Variants in SFXN5 observed in about 807,000 individuals in gnomAD.
The protein encoded by SFXN5 is sideroflexin 5.
SFXN5 carries 43 observed loss-of-function variants against 50.2 expected under a neutral mutation model. That is an observed-to-expected ratio of 0.86 (90% confidence interval 0.67 to 1.11). The LOEUF (loss-of-function observed/expected upper bound fraction) is 1.11. SFXN5 is among the 50% of genes least tolerant of loss of function. The pLI, the probability that SFXN5 is intolerant of heterozygous loss-of-function variation, is 0.00. For synonymous variants in SFXN5, 203 were observed against 185.8 expected, an observed-to-expected ratio of 1.09 and a Z score of -0.75; for missense variants, 463 against 454.1, an observed-to-expected ratio of 1.02 and a Z score of -0.18.
intron 1 of SFXN5, chr2:73,071,012 G>A (rs1020018878): frequency 6.6e-6 from 1 of 152,556 alleles, no homozygotes; most frequent in Non-Finnish European, 1.5e-5. Flanking sequence ...TGGAGAGCAG[G>A]GACGGGGGAC....
chr2:73,002,922 C>A (rs1165422225), intron 6 of SFXN5, among the ~76,000 whole-genome samples: 1 of 152,232 alleles, frequency 6.6e-6, no homozygotes, highest in Non-Finnish European at 1.5e-5. Context: ...CCCTTTGGGG[C>A]ACTAACTTTC....
chr2:72,972,746 C>A (rs991404754), intron 10 of SFXN5, among the ~76,000 whole-genome samples: 1 of 152,224 alleles, frequency 6.6e-6, no homozygotes, highest in African/African-American at 2.4e-5. Flanking sequence ...CACTCCTCCC[C>A]CCAAAGCGCC....
At chr2:73,020,339 T>C in intron 5 of SFXN5, 75 bp from the exon 6 acceptor site, 4 of 1,496,220 alleles carry the variant, frequency 2.7e-6, no homozygotes, top group Non-Finnish European at 3.7e-6. Context: ...AGCCTCCGGG[T>C]TAGGTCTTAG....
At chr2:72,963,547 G>C (rs1303251426) in intron 12 of SFXN5, among the ~76,000 whole-genome samples, 1 of 151,920 alleles carries the variant, frequency 6.6e-6, no homozygotes, top group Non-Finnish European at 1.5e-5. Context: ...AGGGAGGGGG[G>C]AGGAAAATGG....
intron 6 of SFXN5, among the ~76,000 whole-genome samples, chr2:73,007,636 A>G (rs571532161): frequency 2.4e-4 from 37 of 151,902 alleles, no homozygotes; most frequent in Non-Finnish European, 5.0e-4. Flanking sequence ...CTCCCCACAT[A>G]CCCGGGAGCC....
At chr2:73,047,158 C>T (rs1271915998) in intron 2 of SFXN5, among the ~76,000 whole-genome samples, 2 of 137,116 alleles carry the variant, frequency 1.5e-5, no homozygotes, top group African/African-American at 5.4e-5. Context: ...TGGGAGGCTG[C>T]AGTAAGCCAA....
chr2:73,016,643 G>A (rs949837460), intron 6 of SFXN5, among the ~76,000 whole-genome samples: 10 of 152,322 alleles, frequency 6.6e-5, no homozygotes, highest in Middle Eastern at 3.4e-3. Flanking sequence ...ATCCGAGGCT[G>A]CAGTGAGCAG....
At chr2:72,986,278 G>A (rs1314343733) in intron 10 of SFXN5, among the ~76,000 whole-genome samples, 1 of 152,194 alleles carries the variant, frequency 6.6e-6, no homozygotes, top group African/African-American at 2.4e-5. Context: ...TCATCCAGAG[G>A]TGGGGCTGCC....
At chr2:73,043,647 C>T (rs1679932126) in intron 2 of SFXN5, among the ~76,000 whole-genome samples, 1 of 152,202 alleles carries the variant, frequency 6.6e-6, no homozygotes, top group Admixed American at 6.5e-5. Flanking sequence ...TTCCAAAGAG[C>T]CCCTTCCCGG....
chr2:73,070,808 G>A (rs1683531957), intron 1 of SFXN5: 1 of 152,262 alleles, frequency 6.6e-6, no homozygotes, highest in Non-Finnish European at 1.5e-5. Flanking sequence ...GTCCCCGGCG[G>A]CGCGGGGGCC....
chr2:73,057,490 T>C (rs1682302157), intron 2 of SFXN5, among the ~76,000 whole-genome samples: 1 of 152,094 alleles, frequency 6.6e-6, no homozygotes, highest in African/African-American at 2.4e-5. Flanking sequence ...CTGCATACTG[T>C]AGGATTCCAT....
chr2:73,032,473 G>A (rs114610150), intron 3 of SFXN5, among the ~76,000 whole-genome samples: 2 of 152,272 alleles, frequency 1.3e-5, no homozygotes, highest in East Asian at 3.9e-4. Flanking sequence ...GAGGTGGCTG[G>A]AAGATCCCAG....
In SFXN5 at chr2:73,071,542, G is replaced by C. The variant is rs78851041; in HGVS notation, c.102+62C>G. 2.8e-3 allele frequency: 4,210 copies of C among 1,496,782 alleles called. 111 individuals carry two copies. In the African/African-American group the frequency reaches 0.052, roughly 19 times the overall value. 92.7% of individuals were successfully genotyped at this position (1,496,782 alleles called of 1,614,324 possible). ...CCCTTGGGCGGAAGGGGACTTTGGA[G>C]GGGAGTTTGCTCGTCCTCTCTTTGC... On this transcript the variant is annotated intron_variant, in intron 1 of 13. Transcript: ENST00000272433.
At chr2:73,050,521 G>A (rs2105979522) in intron 2 of SFXN5, among the ~76,000 whole-genome samples, 1 of 152,302 alleles carries the variant, frequency 6.6e-6, no homozygotes, top group South Asian at 2.1e-4. Context: ...AGCCACAGCT[G>A]GGGTGGCTGA....
At chr2:73,069,062 G>T (rs1294206773) in intron 1 of SFXN5, among the ~76,000 whole-genome samples, 1 of 152,088 alleles carries the variant, frequency 6.6e-6, no homozygotes, top group African/African-American at 2.4e-5. Context: ...CAAGGAAGAA[G>T]TAGTCAGTGG....
intron 9 of SFXN5, among the ~76,000 whole-genome samples, chr2:72,990,504 G>A (rs1672463881): frequency 6.6e-6 from 1 of 152,322 alleles, no homozygotes; most frequent in East Asian, 1.9e-4. Context: ...CAGACGGGCA[G>A]TAGCAATGAA....
intron 10 of SFXN5, among the ~76,000 whole-genome samples, chr2:72,978,313 C>A (rs1269470461): frequency 6.8e-6 from 1 of 147,182 alleles, no homozygotes; most frequent in Admixed American, 6.8e-5. Flanking sequence ...GATGGAGTCT[C>A]ACTCTGACAC....
intron 9 of SFXN5, chr2:72,997,972 C>T (rs1056689101): frequency 6.6e-6 from 1 of 152,104 alleles, no homozygotes; most frequent in Non-Finnish European, 1.5e-5. Flanking sequence ...TCATAGCACA[C>T]TACAGACTCC....
chr2:73,033,477 T>TAA (rs1479976148), intron 3 of SFXN5, among the ~76,000 whole-genome samples: 1 of 152,014 alleles, frequency 6.6e-6, no homozygotes, highest in Non-Finnish European at 1.5e-5. Context: ...ATTACAGACA[T>TAA]AAGTAAGATA....
Sources: gnomAD v4.1 joint callset for allele counts (sites outside exome capture counted in the v4.1 genomes callset) on GRCh38, gnomAD v4.1.1 for gene constraint, MANE v1.5 for transcripts, NCBI Gene and HGNC (gene_info 2026-07-23, HGNC 2026-07-21) for gene names.